Variants in EPB41L2 observed in about 807,000 individuals in gnomAD.
EPB41L2 encodes band 4.1-like protein 2.
A neutral mutation model predicts 113.0 loss-of-function variants in EPB41L2; 43 were observed. The observed-to-expected ratio is 0.38, with a 90% CI of 0.30 to 0.49. The LOEUF (loss-of-function observed/expected upper bound fraction) is 0.49. Ranked by LOEUF, EPB41L2 falls within the 20% of genes least tolerant of loss-of-function variation. The probability of loss-of-function intolerance (pLI) is 0.95; values close to 1 mark genes in which losing one functional copy is unlikely to be tolerated. For missense variants in EPB41L2, 1,147 were observed against 1,223.4 expected, an observed-to-expected ratio of 0.94 and a Z score of 0.93; for synonymous variants, 442 against 436.7, an observed-to-expected ratio of 1.01 and a Z score of -0.15.
At chr6:130,992,504 C>A (rs1346210458) in intron 1 of EPB41L2, among the ~76,000 whole-genome samples, 2 of 152,154 alleles carry the variant, frequency 1.3e-5, no homozygotes, top group Non-Finnish European at 2.9e-5. Context: ...AGCTACAAAC[C>A]AAATCCCAGT....
intron 4 of EPB41L2, among the ~76,000 whole-genome samples, chr6:130,918,575 A>T (rs1031720587): frequency 6.6e-6 from 1 of 152,180 alleles, no homozygotes; most frequent in Non-Finnish European, 1.5e-5. Flanking sequence ...TAGACATTAA[A>T]AAAGCTTTAA....
intron 10 of EPB41L2, among the ~76,000 whole-genome samples, chr6:130,893,208 T>G (rs1437897877): frequency 6.6e-6 from 1 of 152,160 alleles, no homozygotes; most frequent in African/African-American, 2.4e-5. Context: ...GACATATTTA[T>G]TGGCCAAAGA....
chr6:130,862,337 T>TAG (rs1782394529), intron 18 of EPB41L2, among the ~76,000 whole-genome samples: 1 of 152,160 alleles, frequency 6.6e-6, no homozygotes. Context: ...GAGAAGACCC[T>TAG]AGTTTGCACT....
chr6:130,900,445 T>G (rs1426955597), intron 7 of EPB41L2, among the ~76,000 whole-genome samples: 1 of 152,244 alleles, frequency 6.6e-6, no homozygotes, highest in Non-Finnish European at 1.5e-5. Flanking sequence ...AATATGGTAT[T>G]AATGTAATGT....
intron 1 of EPB41L2, among the ~76,000 whole-genome samples, chr6:130,977,587 G>C (rs1223854973): frequency 6.6e-6 from 1 of 152,090 alleles, no homozygotes; most frequent in Non-Finnish European, 1.5e-5. Flanking sequence ...ATGCTCCCCA[G>C]CTCTGCTCCA....
chr6:130,972,593 C>T (rs912397426), intron 1 of EPB41L2, among the ~76,000 whole-genome samples: 9 of 151,302 alleles, frequency 5.9e-5, no homozygotes, highest in Admixed American at 1.3e-4. Flanking sequence ...CAATTCAGGA[C>T]TCAGATAGAC....
intron 12 of EPB41L2, chr6:130,881,915 T>C: frequency 6.6e-6 from 1 of 152,158 alleles, no homozygotes; most frequent in South Asian, 2.1e-4. Flanking sequence ...AAAATTCATC[T>C]GGTCTCCAAA....
intron 1 of EPB41L2, among the ~76,000 whole-genome samples, chr6:131,034,349 T>C (rs1016883934): frequency 2.0e-5 from 3 of 152,184 alleles, no homozygotes; most frequent in Non-Finnish European, 4.4e-5. Flanking sequence ...GTCATACGCC[T>C]GTAATCCCAG....
At chr6:130,927,338 T>C (rs1274126796) in intron 3 of EPB41L2, among the ~76,000 whole-genome samples, 1 of 152,104 alleles carries the variant, frequency 6.6e-6, no homozygotes, top group Non-Finnish European at 1.5e-5. Context: ...ACCTTGAATA[T>C]ATATATATAA....
chr6:130,861,637 C>T (rs1181321933), intron 18 of EPB41L2, among the ~76,000 whole-genome samples: 2 of 151,920 alleles, frequency 1.3e-5, no homozygotes, highest in Non-Finnish European at 1.5e-5. Flanking sequence ...TTTGGGATGC[C>T]GAGGAGTGTG....
intron 3 of EPB41L2, among the ~76,000 whole-genome samples, chr6:130,929,691 G>C (rs1806040336): frequency 6.6e-6 from 1 of 152,202 alleles, no homozygotes; most frequent in Non-Finnish European, 1.5e-5. Context: ...TACCAATTTG[G>C]ACATAATTAG....
At chr6:130,841,423 G>A (rs1262804502) in intron 19 of EPB41L2, among the ~76,000 whole-genome samples, 1 of 152,112 alleles carries the variant, frequency 6.6e-6, no homozygotes, top group African/African-American at 2.4e-5. Context: ...TTGAGGAAGG[G>A]TTTGTCATGG....
At chr6:130,850,426 C>T (rs1407842793) in intron 19 of EPB41L2, among the ~76,000 whole-genome samples, 2 of 152,012 alleles carry the variant, frequency 1.3e-5, no homozygotes, top group Non-Finnish European at 2.9e-5. Flanking sequence ...TTAAGTAAAC[C>T]ATCACTCATC....
intron 1 of EPB41L2, among the ~76,000 whole-genome samples, chr6:130,987,918 G>C (rs1189697505): frequency 6.6e-6 from 1 of 151,920 alleles, no homozygotes; most frequent in Non-Finnish European, 1.5e-5. Flanking sequence ...TTCAAGACCA[G>C]CCTGGGCAAC....
intron 1 of EPB41L2, among the ~76,000 whole-genome samples, chr6:131,005,671 C>G (rs1286490084): frequency 1.3e-5 from 2 of 152,158 alleles, no homozygotes; most frequent in Non-Finnish European, 2.9e-5. Context: ...ACTTAAAAGG[C>G]AAATCTCAGT....
chr6:130,853,878 T>C (rs569093111), intron 19 of EPB41L2, among the ~76,000 whole-genome samples: 5 of 152,342 alleles, frequency 3.3e-5, no homozygotes, highest in African/African-American at 1.2e-4. Context: ...GCCCACCTGC[T>C]GCCTCTGTGG....
chr6:130,959,610 T>C (rs1184925627), intron 1 of EPB41L2, among the ~76,000 whole-genome samples: 1 of 152,222 alleles, frequency 6.6e-6, no homozygotes, highest in African/African-American at 2.4e-5. Context: ...AATTCAAAAG[T>C]ATGTCTTCCA....
intron 1 of EPB41L2, among the ~76,000 whole-genome samples, chr6:131,058,170 G>A (rs1043818546): frequency 3.3e-5 from 5 of 150,992 alleles, no homozygotes; most frequent in Non-Finnish European, 5.9e-5. Context: ...AAAGATAACT[G>A]AGAATATGAA....
chr6:130,985,600 G>A (rs1780366301), intron 1 of EPB41L2, among the ~76,000 whole-genome samples: 1 of 152,202 alleles, frequency 6.6e-6, no homozygotes, highest in South Asian at 2.1e-4. Context: ...AGCTTGCAAA[G>A]TGACCAGGAA....
Sources: allele counts gnomAD v4.1 joint callset (sites outside exome capture counted in the v4.1 genomes callset), GRCh38; gene constraint gnomAD v4.1.1; transcripts MANE v1.5; gene names NCBI Gene and HGNC (gene_info 2026-07-23, HGNC 2026-07-21).